TNS2: variants seen among roughly 807,000 people sequenced by gnomAD.
The protein encoded by TNS2 is tensin-2.
A neutral mutation model predicts 155.7 loss-of-function variants in TNS2; 77 were observed. The observed-to-expected ratio is 0.49, with a 90% CI of 0.41 to 0.60. The LOEUF (loss-of-function observed/expected upper bound fraction) is 0.60. TNS2 is among the 20% of genes least tolerant of loss of function. The pLI is 0.00. For missense variants in TNS2, 1,703 were observed against 1,868.8 expected (o/e 0.91, Z 1.64); for synonymous variants, 726 against 763.9 (o/e 0.95, Z 0.82).
rs760967306 is a variant in TNS2 at position 53,060,970 on chromosome 12, GGCCCCCCCGACA to G, written c.3069_3080del (p.Pro1024_Pro1027del). 135 of 1,608,930 alleles carry G rather than the reference GGCCCCCCCGACA, an allele frequency of 8.4e-5. No homozygotes were observed. The highest frequency in any genetic ancestry group is 1.1e-4 in the Non-Finnish European group (134 of 1,177,920). On this transcript the variant is annotated inframe_deletion, in exon 20 of 29. Transcript: ENST00000314250. This position sits in a 1 kb window ranked among gnomAD's most constrained non-coding sequence, Gnocchi z 6.1. Reference sequence around the variant, plus strand: ...CCACGCCCCCTGGCAAGGCCCTCGAGGCCCCCCCGACAGCCCAGATGGGTCTCCCCTCACTCC... The same window carrying G: ...CCACGCCCCCTGGCAAGGCCCTCGAGGCCCAGATGGGTCTCCCCTCACTCC...
chr12:53,057,092 C>T lies in TNS2; in HGVS notation c.841C>T (p.Arg281Cys), dbSNP rs553308233. ...GGCCACAGAACTGCAGCCCTCCCAG[C>T]GTCGGTGAGCAGCCTGGGTGGGGAT... ...KVATELQPSQ[R>C]RYISYFSGLL... Residue 281 changes from arginine (R) to cysteine (C), a missense_variant, in exon 11 of 29, where the codon CGT (arginine) becomes TGT (cysteine). By Grantham distance (180) the Arg-to-Cys change is radical (BLOSUM62 -3). Coordinates refer to ENST00000314250, the MANE Select transcript of TNS2 (RefSeq NM_170754.4). 1.9e-5 allele frequency: 31 copies of T among 1,612,028 alleles called. No individual in the cohort carries two copies. Among genetic ancestry groups the T allele is most frequent in the Admixed American group, 1.3e-4 (8 of 59,806 alleles).
rs570598192 is a variant in TNS2, at chr12:53,054,377, G to C, written c.458G>C (p.Arg153Pro). Residue 153 changes from arginine (R) to proline (P), a missense_variant, in exon 7 of 29, where the codon CGG becomes CCG. Physicochemically the swap from Arg to Pro is moderately radical, Grantham distance 103. Coordinates refer to ENST00000314250, the MANE Select transcript of TNS2 (RefSeq NM_170754.4). ...TTCCCCGCGCGGCCCGATGAACAGCGGCACCGGGGCCACCTGCGCGAGCTG... is the reference window on the plus strand; with the variant it reads ...TTCCCCGCGCGGCCCGATGAACAGCCGCACCGGGGCCACCTGCGCGAGCTG... Reference protein sequence around the residue: ...AAFPARPDEQRHRGHLRELAH... With the variant: ...AAFPARPDEQPHRGHLRELAH... 4.3e-6 allele frequency: 7 copies of C among 1,611,794 alleles called. No homozygotes were observed. In the South Asian group the frequency reaches 5.5e-5, roughly 13 times the overall value.
In TNS2 at chr12:53,062,134, T is replaced by G. The variant is rs1489608461; in HGVS notation, c.3575-19T>G. On this transcript the variant is annotated intron_variant, in intron 22 of 28. Coordinates refer to ENST00000314250, the MANE Select transcript of TNS2 (RefSeq NM_170754.4). ...ACCTGGAATCCTAAAGCCGCAATCT[T>G]CCCCTCGCCTCCTCTCAGGGGACCC... The G allele has an allele frequency of 6.2e-7, 1 of 1,613,602 alleles. No individual in the cohort carries two copies. The highest frequency in any genetic ancestry group is 8.5e-7 in the Non-Finnish European group (1 of 1,179,850).
chr12:53,052,423 G>A, intron 2 of TNS2, 32 bp from the exon 3 acceptor site: 1 of 1,613,742 alleles, frequency 6.2e-7, no homozygotes, highest in Non-Finnish European at 8.5e-7. Context: ...ACAGGCCCCT[G>A]CTAACCCCTC....
At position 53,062,433 on chromosome 12, in the gene TNS2, G is replaced by A. The variant is rs201607650; in HGVS notation, c.3725G>A (p.Cys1242Tyr). 5 of 1,613,914 alleles carry A rather than the reference G, an allele frequency of 3.1e-6. No individual in the cohort carries two copies. The African/African-American group carries it at 6.7e-5, about 22-fold the overall frequency. ...HSISPISLPC[C>Y]LRIPSKDPLE... is the part of the protein sequence containing the mutation. ...ATCTCCCCCATCTCCCTGCCCTGCTGCCTGCGCATTCCCAGCAAAGGTGAG... is the reference window on the plus strand; with the variant it reads ...ATCTCCCCCATCTCCCTGCCCTGCTACCTGCGCATTCCCAGCAAAGGTGAG... The change falls in exon 24 of 29, where the codon TGC becomes TAC. Residue 1242 changes from cysteine (C) to tyrosine (Y), a missense_variant. By Grantham distance (194) the Cys-to-Tyr change is radical (BLOSUM62 -2). Coordinates refer to ENST00000314250, the MANE Select transcript of TNS2 (RefSeq NM_170754.4).
intron 21 of TNS2, 72 bp from the exon 22 acceptor site, chr12:53,061,743 G>C (rs927147347): frequency 2.6e-6 from 4 of 1,555,738 alleles, no homozygotes; most frequent in Non-Finnish European, 3.5e-6. Context: ...CAGCAGAGGA[G>C]GGGGGCTGCA....
chr12:53,050,124 C>T lies in TNS2; in HGVS notation c.-62C>T. The T allele has an allele frequency of 2.5e-6, 4 of 1,579,782 alleles. No individual in the cohort carries two copies. In the South Asian group the frequency reaches 4.6e-5, roughly 18 times the overall value. ...CCTCCGCCAGGCCGCTTCCAGGAAG[C>T]CCCGGGCCAGGCCCCAGCATTGTTC... On this transcript the variant is annotated 5_prime_UTR_variant, in exon 1 of 29. Transcript: ENST00000314250. This position sits in a 1 kb window ranked among gnomAD's most constrained non-coding sequence, Gnocchi z 4.7.
At position 53,063,533 on chromosome 12, in the gene TNS2, G is replaced by A. The variant is rs1476204863; in HGVS notation, c.4062-30G>A. The stretch of plus-strand genomic sequence containing the variant: ...CCCTTCAGCAGCTGTCCCCTGGGGT[G>A]TGCATCTTCACCTTCTTCTCCTTCT... On this transcript the variant is annotated intron_variant, in intron 27 of 28. Transcript: ENST00000314250. This position sits in a 1 kb window ranked among gnomAD's most constrained non-coding sequence, Gnocchi z 5.6. The A allele has an allele frequency of 1.9e-6, 3 of 1,613,236 alleles. No homozygotes were observed. Among genetic ancestry groups the A allele is most frequent in the Non-Finnish European group, 8.5e-7 (1 of 1,179,832 alleles).
intron 2 of TNS2, 73 bp from the exon 3 acceptor site, chr12:53,052,382 G>A (rs1943967812): frequency 1.9e-6 from 3 of 1,591,038 alleles, no homozygotes; most frequent in Non-Finnish European, 2.6e-6. Flanking sequence ...GGGTCTGGGA[G>A]ATGAGGGAAG....
At chr12:53,052,261 C>A in intron 2 of TNS2, 194 bp from the exon 3 acceptor site, 1 of 704,210 alleles carries the variant, frequency 1.4e-6, no homozygotes, top group Non-Finnish European at 2.5e-6. Flanking sequence ...TACCCCTGGC[C>A]TGGGCAGTAG....
At chr12:53,047,800 C>G (rs1943780108), upstream of TNS2, among the ~76,000 whole-genome samples, 1 of 152,184 alleles carries the variant, frequency 6.6e-6, no homozygotes. Context: ...ATTCGACTCG[C>G]CAGCCCCGCT....
At chr12:53,057,140 C>T in intron 11 of TNS2, 44 bp downstream of exon 11, 5 of 1,574,054 alleles carry the variant, frequency 3.2e-6, no homozygotes, top group Non-Finnish European at 3.5e-6. Flanking sequence ...CAGCTCCCTT[C>T]ATGGCTACCA....
At chr12:53,049,248 G>A (rs1026869648), upstream of TNS2, 7 of 1,607,336 alleles carry the variant, frequency 4.4e-6, no homozygotes, top group Non-Finnish European at 5.1e-6. Context: ...GAGCCATGAA[G>A]GTAGTACTCA....
chr12:53,054,654 G>A (rs1177041284), intron 7 of TNS2, among the ~76,000 whole-genome samples: 5 of 152,064 alleles, frequency 3.3e-5, no homozygotes, highest in African/African-American at 9.7e-5. Context: ...CCGGGCCTTA[G>A]CTACCTTTTT....
rs910696156 is a variant in TNS2, at chr12:53,061,283, G to A, written c.3358+19G>A. On this transcript the variant is annotated intron_variant, in intron 20 of 28. Transcript: ENST00000314250. The stretch of plus-strand genomic sequence containing the variant: ...ACCCCAGGTATAAAGGCCTTGAGGG[G>A]GTTGGTGCCACCTTGAGAGAACCCT... 1 of 1,596,392 alleles carries A rather than the reference G, an allele frequency of 6.3e-7. No individual in the cohort carries two copies. Among genetic ancestry groups the A allele is most frequent in the South Asian group, 1.1e-5 (1 of 88,192 alleles).
chr12:53,054,839 ATTTTTTTT>A (rs71095973), intron 7 of TNS2, among the ~76,000 whole-genome samples: 6 of 94,274 alleles, frequency 6.4e-5, no homozygotes, highest in African/African-American at 1.9e-4. Flanking sequence ...CGCCCAGCCA[ATTTTTTTT>A]TTTTTTTTTT....
At chr12:53,053,077 A>T in intron 3 of TNS2, 1 of 384,590 alleles carries the variant, frequency 2.6e-6, no homozygotes, top group Non-Finnish European at 5.0e-6. Context: ...CTGTGTGCCC[A>T]GGGGCGGGGT....
intron 2 of TNS2, 136 bp from the exon 3 acceptor site, chr12:53,052,319 C>T: frequency 1.8e-6 from 2 of 1,127,190 alleles, no homozygotes; most frequent in Admixed American, 3.7e-5. Context: ...TGCTCCTCTG[C>T]CCCAGCCAGC....
Position 53,050,104 on chromosome 12 carries a change from G to C in TNS2, c.-82G>C. On this transcript the variant is annotated 5_prime_UTR_variant, in exon 1 of 29. Transcript: ENST00000314250. This position sits in a 1 kb window ranked among gnomAD's most constrained non-coding sequence, Gnocchi z 4.7. ...CCGCCCAGGGGAAGCGGCTGCCTCC[G>C]CCAGGCCGCTTCCAGGAAGCCCCGG... The C allele has an allele frequency of 6.4e-7, 1 of 1,559,588 alleles. No homozygotes were observed. Among genetic ancestry groups the C allele is most frequent in the Non-Finnish European group, 8.7e-7 (1 of 1,155,594 alleles).
Sources: gnomAD v4.1 joint callset for allele counts (sites outside exome capture counted in the v4.1 genomes callset) on GRCh38, gnomAD v4.1.1 for gene constraint, Gnocchi (gnomAD v3.1) non-coding constraint, MANE v1.5 for transcripts, NCBI Gene and HGNC (gene_info 2026-07-23, HGNC 2026-07-21) for gene names.